ALG5: variants seen among roughly 807,000 people sequenced by gnomAD.
The protein encoded by ALG5 is ALG5 dolichyl-phosphate beta-glucosyltransferase.
In ALG5, 26 loss-of-function variants were observed where a neutral mutation model predicts 51.8. The ratio of observed to expected loss-of-function variants is 0.50; its 90% CI spans 0.37 to 0.70. The LOEUF (loss-of-function observed/expected upper bound fraction) is 0.70. Among genes scored for constraint, ALG5 ranks in the 30% least tolerant of loss-of-function variants. The pLI is 0.00. For synonymous variants in ALG5, 141 were observed against 136.1 expected (o/e 1.04, Z -0.25); for missense variants, 311 against 399.3 (o/e 0.78, Z 1.88).
chr13:36,962,238 T>C (rs1401102371), intron 8 of ALG5, among the ~76,000 whole-genome samples: 1 of 152,170 alleles, frequency 6.6e-6, no homozygotes, highest in Non-Finnish European at 1.5e-5. Flanking sequence ...CATTTGGAAA[T>C]AAGGCATAGA....
At chr13:36,974,858 T>C (rs1211355883) in intron 6 of ALG5, among the ~76,000 whole-genome samples, 1 of 152,200 alleles carries the variant, frequency 6.6e-6, no homozygotes, top group Non-Finnish European at 1.5e-5. Flanking sequence ...GACATACATA[T>C]TTCAAATTTG....
chr13:36,994,909 G>T, intron 3 of ALG5, 80 bp downstream of exon 3: 1 of 1,233,886 alleles, frequency 8.1e-7, no homozygotes, highest in Non-Finnish European at 1.2e-6. Flanking sequence ...CTCTCACAGT[G>T]CATCTGGCTT....
chr13:36,970,835 C>A (rs1257036307), intron 7 of ALG5, among the ~76,000 whole-genome samples: 1 of 151,954 alleles, frequency 6.6e-6, no homozygotes, highest in African/African-American at 2.4e-5. Flanking sequence ...TGCTTGAACC[C>A]GGGAGGCAGA....
chr13:36,989,444 C>T (rs925559495), intron 5 of ALG5, 40 bp downstream of exon 5: 5 of 1,475,906 alleles, frequency 3.4e-6, no homozygotes, highest in East Asian at 4.5e-5. Context: ...ATTCAAGATA[C>T]CTTCATATTT....
At chr13:36,992,743 C>T (rs1446435945) in intron 4 of ALG5, among the ~76,000 whole-genome samples, 25 of 152,146 alleles carry the variant, frequency 1.6e-4, no homozygotes, top group Admixed American at 1.3e-3. Flanking sequence ...GAACAAGAGC[C>T]GTATCTAAAA....
At chr13:36,983,149 C>T (rs555014945) in intron 6 of ALG5, among the ~76,000 whole-genome samples, 8 of 152,198 alleles carry the variant, frequency 5.3e-5, no homozygotes, top group African/African-American at 1.9e-4. Context: ...TTATCTTTGC[C>T]CTACTGCTGA....
intron 4 of ALG5, among the ~76,000 whole-genome samples, chr13:36,991,058 G>A (rs1478164725): frequency 6.6e-6 from 1 of 152,198 alleles, no homozygotes; most frequent in Non-Finnish European, 1.5e-5. Flanking sequence ...CCTTATCATA[G>A]CATAGGAGAT....
At chr13:36,988,685 CAT>C (rs1198164226) in intron 5 of ALG5, among the ~76,000 whole-genome samples, 5 of 152,122 alleles carry the variant, frequency 3.3e-5, no homozygotes, top group African/African-American at 9.7e-5. Context: ...AAGAGGGCAA[CAT>C]GTGATGATTT....
At chr13:36,989,884 A>G (rs572189664) in intron 4 of ALG5, among the ~76,000 whole-genome samples, 23 of 152,276 alleles carry the variant, frequency 1.5e-4, no homozygotes, top group African/African-American at 5.5e-4. Context: ...ACAACAAAAA[A>G]CAACAAAAAA....
At chr13:36,967,662 T>C (rs1365032628) in intron 7 of ALG5, 2 of 428,448 alleles carry the variant, frequency 4.7e-6, no homozygotes, top group African/African-American at 2.1e-5. Context: ...TTGATGTAAA[T>C]ATGTCTTACC....
chr13:36,996,566 TC>T (rs529005306), intron 1 of ALG5, among the ~76,000 whole-genome samples: 3 of 150,748 alleles, frequency 2.0e-5, no homozygotes, highest in East Asian at 2.0e-4. Context: ...TCCTCCCACT[TC>T]CCCCCTGCCA....
chr13:36,959,529 A>G lies in ALG5; in HGVS notation c.773+6046T>C, dbSNP rs115653397. Among the ~76,000 whole-genome samples, 968 of 152,286 alleles carry G rather than the reference A, an allele frequency of 6.4e-3. 10 individuals are homozygous for G. Among genetic ancestry groups the G allele is most frequent in the African/African-American group, 0.022 (902 of 41,572 alleles). On this transcript the variant is annotated intron_variant, in intron 8 of 9. Coordinates refer to ENST00000239891, the MANE Select transcript of ALG5 (RefSeq NM_013338.5). The stretch of plus-strand genomic sequence containing the variant: ...TACTCAACAAAATGCATGAAAAAGA[A>G]CTACATTAAGGCCTAGAATTATAAT...
intron 6 of ALG5, among the ~76,000 whole-genome samples, chr13:36,974,660 A>G (rs1316190852): frequency 6.6e-6 from 1 of 152,074 alleles, no homozygotes; most frequent in East Asian, 1.9e-4. Flanking sequence ...CCACATACCT[A>G]CTACCTAGCT....
chr13:36,976,863 A>G (rs1316578284), intron 6 of ALG5, among the ~76,000 whole-genome samples: 1 of 152,254 alleles, frequency 6.6e-6, no homozygotes, highest in Non-Finnish European at 1.5e-5. Context: ...TGATTTTCTT[A>G]GAGAGGAAGC....
intron 6 of ALG5, among the ~76,000 whole-genome samples, chr13:36,979,049 C>T (rs1255078460): frequency 6.6e-6 from 1 of 151,968 alleles, no homozygotes; most frequent in Non-Finnish European, 1.5e-5. Context: ...TGGAGTCTTG[C>T]TCTGTAGCTC....
At chr13:36,991,174 C>T (rs17054795) in intron 4 of ALG5, among the ~76,000 whole-genome samples, 2,936 of 152,272 alleles carry the variant, frequency 0.019, 92 homozygotes, top group African/African-American at 0.066. Context: ...CACGGTCTTA[C>T]ACTTGTATGC....
chr13:36,991,425 A>T (rs914826738), intron 4 of ALG5, among the ~76,000 whole-genome samples: 4 of 152,246 alleles, frequency 2.6e-5, no homozygotes, highest in African/African-American at 9.6e-5. Context: ...TATTTCTGGT[A>T]TCTGGCACAT....
rs2058822572 is a variant in ALG5, at chr13:36,952,437, A to C, written c.859+77T>G. On this transcript the variant is annotated intron_variant, in intron 9 of 9. Coordinates refer to ENST00000239891, the MANE Select transcript of ALG5 (RefSeq NM_013338.5). ...GGGCTTGATGAGGGGAGCAAGGAGAACATTAAAGCCAGCTGACTTTACTAA... is the reference window on the plus strand; with the variant it reads ...GGGCTTGATGAGGGGAGCAAGGAGACCATTAAAGCCAGCTGACTTTACTAA... 5.9e-6 allele frequency: 6 copies of C among 1,010,696 alleles called. No homozygotes were observed. In the South Asian group the frequency reaches 8.9e-5, roughly 15 times the overall value. The allele number at this position is 1,010,696 out of a possible 1,614,324, so 62.6% of individuals were successfully genotyped here. A position where few individuals can be genotyped will look rare whatever the true frequency, so the allele number is the denominator to read the frequency against.
intron 7 of ALG5, chr13:36,967,664 T>C (rs2058901285): frequency 2.3e-6 from 1 of 437,934 alleles, no homozygotes; most frequent in African/African-American, 2.1e-5. Context: ...GATGTAAATA[T>C]GTCTTACCTC....
Sources: gnomAD v4.1 joint callset for allele counts (sites outside exome capture counted in the v4.1 genomes callset) on GRCh38, gnomAD v4.1.1 for gene constraint, MANE v1.5 for transcripts, NCBI Gene and HGNC (gene_info 2026-07-23, HGNC 2026-07-21) for gene names.